The following PLCXD3 variants were observed in gnomAD, a reference collection of about 807,000 sequenced individuals.
PLCXD3 encodes phosphatidylinositol specific phospholipase C X domain containing 3.
Under a neutral mutation model 25.5 loss-of-function variants are expected in PLCXD3, and 19 were observed. The observed-to-expected ratio is 0.75, with a 90% CI of 0.52 to 1.09. The LOEUF (loss-of-function observed/expected upper bound fraction) is 1.09. PLCXD3 is among the 50% of genes least tolerant of loss of function. The pLI is 0.00. For synonymous variants in PLCXD3, 174 were observed against 137.6 expected, an observed-to-expected ratio of 1.26 and a Z score of -1.85; for missense variants, 411 against 388.1, an observed-to-expected ratio of 1.06 and a Z score of -0.50.
At chr5:41,445,408 C>T (rs191332730) in intron 1 of PLCXD3, among the ~76,000 whole-genome samples, 2 of 152,230 alleles carry the variant, frequency 1.3e-5, no homozygotes, top group South Asian at 2.1e-4. Context: ...TCAAATAAAA[C>T]GAGTATCATT....
intron 2 of PLCXD3, among the ~76,000 whole-genome samples, chr5:41,381,323 C>T (rs1363157701): frequency 6.6e-6 from 1 of 152,064 alleles, no homozygotes; most frequent in South Asian, 2.1e-4. Flanking sequence ...CACAAAAATA[C>T]ACGTTAAAGT....
chr5:41,327,482 CT>C (rs1407188440), intron 2 of PLCXD3, among the ~76,000 whole-genome samples: 1 of 152,186 alleles, frequency 6.6e-6, no homozygotes. Context: ...AAATAAAGAG[CT>C]CACTGTCTTC....
intron 1 of PLCXD3, among the ~76,000 whole-genome samples, chr5:41,457,042 C>A (rs1747769216): frequency 6.6e-6 from 1 of 151,940 alleles, no homozygotes; most frequent in African/African-American, 2.4e-5. Flanking sequence ...ACATACCCAA[C>A]CCATATGAGT....
At chr5:41,402,151 T>G (rs115931418) in intron 1 of PLCXD3, among the ~76,000 whole-genome samples, 2,373 of 152,006 alleles carry the variant, frequency 0.016, 61 homozygotes, top group African/African-American at 0.055. Context: ...TGTTCCTTTT[T>G]TTTAGCTTTT....
intron 1 of PLCXD3, among the ~76,000 whole-genome samples, chr5:41,397,001 T>G (rs1746027155): frequency 6.6e-6 from 1 of 152,144 alleles, no homozygotes; most frequent in Non-Finnish European, 1.5e-5. Context: ...GAACTTACAT[T>G]TAAAAGGAAT....
intron 2 of PLCXD3, among the ~76,000 whole-genome samples, chr5:41,348,257 C>A (rs1452965210): frequency 1.3e-5 from 2 of 151,984 alleles, no homozygotes; most frequent in Admixed American, 1.3e-4. Flanking sequence ...CTAAATGGAC[C>A]CTAATGTACC....
At chr5:41,488,364 T>A (rs1236197337) in intron 1 of PLCXD3, among the ~76,000 whole-genome samples, 1 of 132,264 alleles carries the variant, frequency 7.6e-6, no homozygotes, top group Non-Finnish European at 1.6e-5. Context: ...GTCTTTGCTA[T>A]TGTGAATAGT....
At chr5:41,392,648 G>A (rs1745864774) in intron 1 of PLCXD3, among the ~76,000 whole-genome samples, 1 of 152,102 alleles carries the variant, frequency 6.6e-6, no homozygotes, top group South Asian at 2.1e-4. Context: ...TTAATGCTTA[G>A]ACTCTAAAAA....
intron 1 of PLCXD3, among the ~76,000 whole-genome samples, chr5:41,417,685 G>A (rs1746725279): frequency 6.6e-6 from 1 of 152,188 alleles, no homozygotes; most frequent in Non-Finnish European, 1.5e-5. Flanking sequence ...ATGATTAGGA[G>A]AGTGCTGCCA....
At chr5:41,473,708 G>A (rs924849093) in intron 1 of PLCXD3, among the ~76,000 whole-genome samples, 10 of 151,868 alleles carry the variant, frequency 6.6e-5, no homozygotes, top group South Asian at 2.1e-4. Context: ...TGCTGGCCTC[G>A]GCCTCCCAAA....
chr5:41,494,027 G>A (rs1349880219), intron 1 of PLCXD3, among the ~76,000 whole-genome samples: 4 of 152,200 alleles, frequency 2.6e-5, no homozygotes, highest in Admixed American at 2.6e-4. Context: ...CGTGTTCTGC[G>A]TTGCTCACGC....
At chr5:41,434,742 T>C (rs1360469535) in intron 1 of PLCXD3, among the ~76,000 whole-genome samples, 2 of 152,024 alleles carry the variant, frequency 1.3e-5, no homozygotes, top group Non-Finnish European at 2.9e-5. Context: ...ACAGGCATTG[T>C]GTAGAAAAGT....
intron 1 of PLCXD3, among the ~76,000 whole-genome samples, chr5:41,433,811 T>C (rs1747172342): frequency 6.6e-6 from 1 of 152,344 alleles, no homozygotes; most frequent in Middle Eastern, 3.4e-3. Context: ...TAAAACCTTG[T>C]GAATTGATTC....
intron 2 of PLCXD3, among the ~76,000 whole-genome samples, chr5:41,316,787 G>A (rs886245026): frequency 6.6e-6 from 1 of 152,196 alleles, no homozygotes; most frequent in Admixed American, 6.5e-5. Context: ...AAAGGACAGG[G>A]AAGACTGGTA....
chr5:41,410,141 C>CTTTTTTTTTTTTT (rs5867553), intron 1 of PLCXD3, among the ~76,000 whole-genome samples: 3 of 121,398 alleles, frequency 2.5e-5, no homozygotes, highest in Non-Finnish European at 5.3e-5. Context: ...TTTTATTTAT[C>CTTTTTTTTTTTTT]TTTTTTTTTT....
At chr5:41,332,624 G>T (rs1743855127) in intron 2 of PLCXD3, among the ~76,000 whole-genome samples, 1 of 152,012 alleles carries the variant, frequency 6.6e-6, no homozygotes, top group Non-Finnish European at 1.5e-5. Context: ...AAATCATGCT[G>T]CTATAAAGAC....
intron 2 of PLCXD3, among the ~76,000 whole-genome samples, chr5:41,362,521 G>A (rs1744814751): frequency 6.6e-6 from 1 of 152,128 alleles, no homozygotes; most frequent in Non-Finnish European, 1.5e-5. Flanking sequence ...TTATAGTCAT[G>A]CAAAAAATAT....
At chr5:41,478,608 A>C (rs1235138032) in intron 1 of PLCXD3, among the ~76,000 whole-genome samples, 1 of 152,332 alleles carries the variant, frequency 6.6e-6, no homozygotes, top group South Asian at 2.1e-4. Flanking sequence ...CTCAGAGACT[A>C]TTTACTTCTG....
At chr5:41,340,119 T>C (rs944395198) in intron 2 of PLCXD3, among the ~76,000 whole-genome samples, 6 of 150,254 alleles carry the variant, frequency 4.0e-5, no homozygotes, top group African/African-American at 1.5e-4. Context: ...TTTGTATAGA[T>C]GCTGCTCTCC....
Sources: allele counts gnomAD v4.1 joint callset (sites outside exome capture counted in the v4.1 genomes callset), GRCh38; gene constraint gnomAD v4.1.1; transcripts MANE v1.5; gene names NCBI Gene and HGNC (gene_info 2026-07-23, HGNC 2026-07-21).